The following LRBA variants were observed in gnomAD, a reference collection of about 807,000 sequenced individuals.
The protein encoded by LRBA is lipopolysaccharide-responsive and beige-like anchor protein.
Under a neutral mutation model 330.0 loss-of-function variants are expected in LRBA, and 176 were observed. The ratio of observed to expected loss-of-function variants is 0.53; its 90% CI spans 0.47 to 0.60. The LOEUF is 0.60. Ranked by LOEUF, LRBA falls within the 20% of genes least tolerant of loss-of-function variation. The pLI is 0.00. For missense variants in LRBA, 3,259 were observed against 3,444.8 expected (o/e 0.95, Z 1.35); for synonymous variants, 1,230 against 1,193.0 (o/e 1.03, Z -0.64).
At chr4:150,304,698 A>G (rs1427751713) in intron 52 of LRBA, among the ~76,000 whole-genome samples, 1 of 152,218 alleles carries the variant, frequency 6.6e-6, no homozygotes, top group African/African-American at 2.4e-5. Context: ...GAGCAAATTA[A>G]ATGTGAAATA....
At chr4:150,581,515 C>A in intron 40 of LRBA, 1 of 267,338 alleles carries the variant, frequency 3.7e-6, no homozygotes, top group Non-Finnish European at 7.5e-6. Flanking sequence ...CAGTTTGCAC[C>A]TTCTACTACA....
chr4:150,294,690 G>A (rs1167639089), intron 53 of LRBA, among the ~76,000 whole-genome samples: 2 of 152,184 alleles, frequency 1.3e-5, no homozygotes, highest in African/African-American at 2.4e-5. Flanking sequence ...AGTGGCTCAC[G>A]CCTGTAATCC....
At chr4:150,635,593 C>T (rs913257032) in intron 37 of LRBA, among the ~76,000 whole-genome samples, 1 of 152,092 alleles carries the variant, frequency 6.6e-6, no homozygotes, top group African/African-American at 2.4e-5. Context: ...GAGGGCAAAC[C>T]TTATTTCTTT....
intron 36 of LRBA, among the ~76,000 whole-genome samples, chr4:150,700,724 G>C (rs1561530746): frequency 6.7e-6 from 1 of 148,708 alleles, no homozygotes; most frequent in Admixed American, 6.7e-5. Flanking sequence ...GTGCCAAAAT[G>C]TTTTCTTTCT....
intron 40 of LRBA, among the ~76,000 whole-genome samples, chr4:150,559,871 ATAATTATATATAATT>A (rs1163059097): frequency 5.5e-5 from 1 of 18,158 alleles, no homozygotes; most frequent in Non-Finnish European, 1.2e-4. Flanking sequence ...TATATAATAT[ATAATTATATATAATT>A]ATATATAATT....
rs190781822 is a variant in LRBA at position 150,363,100 on chromosome 4, C to T, written c.7195-12941G>A. 6.0e-4 allele frequency among the ~76,000 whole-genome samples: 92 copies of T among 152,202 alleles called. 1 individual carries two copies. The highest frequency in any genetic ancestry group is 5.9e-3 in the Admixed American group (90 of 15,288). ...GAGGTGTGATTGTGCCACTGTATGC[C>T]GGCCTGGGTGACAGAGAGAGACCTT... On this transcript the variant is annotated intron_variant, in intron 47 of 56. Transcript: ENST00000651943.
intron 17 of LRBA, among the ~76,000 whole-genome samples, chr4:150,885,134 C>T (rs932595207): frequency 1.6e-4 from 23 of 139,592 alleles, no homozygotes; most frequent in African/African-American, 5.9e-4. Context: ...AATGGGAACA[C>T]AAATTATTCA....
intron 55 of LRBA, among the ~76,000 whole-genome samples, chr4:150,279,429 G>T (rs1309510133): frequency 6.6e-6 from 1 of 152,054 alleles, no homozygotes; most frequent in East Asian, 1.9e-4. Context: ...ACCTGTAATC[G>T]CATGTCCACC....
At chr4:150,422,394 C>T (rs1748940466) in intron 46 of LRBA, among the ~76,000 whole-genome samples, 1 of 152,152 alleles carries the variant, frequency 6.6e-6, no homozygotes, top group Non-Finnish European at 1.5e-5. Context: ...TGTGACTTTT[C>T]TCATCTTTCA....
At position 150,829,548 on chromosome 4, in the gene LRBA, C is replaced by A. The variant is rs547602624; in HGVS notation, c.4730-927G>T. ...GATTATTCCCTCCAACTAGACAATG[C>A]TTCCTTTCCTCGGCTTTCAGGACAC... On this transcript the variant is annotated intron_variant, in intron 29 of 56. Transcript: ENST00000651943. Among the ~76,000 whole-genome samples the A allele has an allele frequency of 2.0e-5, 3 of 152,204 alleles. No homozygotes were observed. In the East Asian group the frequency reaches 5.8e-4, roughly 29 times the overall value.
At chr4:151,011,517 G>C (rs897193394) in intron 2 of LRBA, among the ~76,000 whole-genome samples, 9 of 145,622 alleles carry the variant, frequency 6.2e-5, no homozygotes, top group African/African-American at 2.0e-4. Context: ...AGAATCACTT[G>C]AACTCAGGAG....
intron 56 of LRBA, among the ~76,000 whole-genome samples, chr4:150,269,935 C>T (rs1745846271): frequency 6.6e-6 from 1 of 152,064 alleles, no homozygotes; most frequent in Non-Finnish European, 1.5e-5. Flanking sequence ...AAGAGTGAGA[C>T]CCTGTCTCAA....
At chr4:150,611,117 A>T (rs567883514) in intron 37 of LRBA, among the ~76,000 whole-genome samples, 3 of 152,230 alleles carry the variant, frequency 2.0e-5, no homozygotes, top group Admixed American at 6.5e-5. Context: ...GGACTGAACA[A>T]TCTATACGCA....
At chr4:150,608,223 A>G (rs1467687706) in intron 37 of LRBA, among the ~76,000 whole-genome samples, 1 of 152,160 alleles carries the variant, frequency 6.6e-6, no homozygotes, top group Admixed American at 6.6e-5. Context: ...AAAATATATA[A>G]GAAAATAGGG....
At chr4:150,417,631 A>G (rs1314629107) in intron 46 of LRBA, among the ~76,000 whole-genome samples, 1 of 152,138 alleles carries the variant, frequency 6.6e-6, no homozygotes, top group Non-Finnish European at 1.5e-5. Context: ...CTCTTGTTTT[A>G]TAATTCTCCT....
intron 35 of LRBA, among the ~76,000 whole-genome samples, chr4:150,738,018 GT>G (rs1188516570): frequency 8.3e-6 from 1 of 120,580 alleles, no homozygotes. Flanking sequence ...CTGAGACGAA[GT>G]TTCGCTCTGT....
intron 44 of LRBA, among the ~76,000 whole-genome samples, chr4:150,457,784 C>T (rs1005149036): frequency 2.6e-5 from 4 of 151,866 alleles, no homozygotes; most frequent in Admixed American, 2.0e-4. Flanking sequence ...CTACTCTAAA[C>T]CTACCTCAGT....
At chr4:150,495,587 T>C (rs892052707) in intron 40 of LRBA, among the ~76,000 whole-genome samples, 5 of 152,172 alleles carry the variant, frequency 3.3e-5, no homozygotes, top group East Asian at 3.8e-4. Context: ...TTTCTTTAAG[T>C]GTTCATTAGG....
At chr4:150,509,627 G>GTTTT (rs531325833) in intron 40 of LRBA, among the ~76,000 whole-genome samples, 10 of 149,964 alleles carry the variant, frequency 6.7e-5, no homozygotes, top group African/African-American at 2.2e-4. Context: ...GTTTTGTTTT[G>GTTTT]TTTTTTTAAA....
Sources: gnomAD v4.1 joint callset for allele counts (sites outside exome capture counted in the v4.1 genomes callset) on GRCh38, gnomAD v4.1.1 for gene constraint, MANE v1.5 for transcripts, NCBI Gene and HGNC (gene_info 2026-07-23, HGNC 2026-07-21) for gene names.